Variants in S100Z observed in about 807,000 individuals in gnomAD.
The protein encoded by S100Z is protein S100-Z.
Under a neutral mutation model 8.5 loss-of-function variants are expected in S100Z, and 11 were observed. The observed-to-expected ratio is 1.30, with a 90% CI of 0.82 to 2.15. The LOEUF is 2.15. Ranked by LOEUF, S100Z falls within the 30% of genes most tolerant of loss-of-function variation. The pLI is 0.00. For missense variants in S100Z, 126 were observed against 117.9 expected (o/e 1.07, Z -0.32); for synonymous variants, 34 against 43.8 (o/e 0.78, Z 0.89).
intron 4 of S100Z, among the ~76,000 whole-genome samples, chr5:76,904,654 A>G (rs960753370): frequency 6.6e-6 from 1 of 152,138 alleles, no homozygotes; most frequent in African/African-American, 2.4e-5. Flanking sequence ...TAGAGTTGAG[A>G]TAAAACATTA....
chr5:76,900,433 T>C (rs1162348737), intron 4 of S100Z, among the ~76,000 whole-genome samples: 2 of 152,216 alleles, frequency 1.3e-5, no homozygotes, highest in African/African-American at 2.4e-5. Context: ...TATTCTTTTT[T>C]CTTCTGTCTC....
intron 1 of S100Z, among the ~76,000 whole-genome samples, chr5:76,857,476 C>T (rs74813867): frequency 0.013 from 1,910 of 151,622 alleles, 41 homozygotes; most frequent in African/African-American, 0.042. Flanking sequence ...TAGGATTTGC[C>T]CCCACCTCCC....
chr5:76,936,343 C>T, the S100Z span, among the ~76,000 whole-genome samples: 1 of 151,696 alleles, frequency 6.6e-6, no homozygotes, highest in Non-Finnish European at 1.5e-5. Context: ...TTAGTATGTG[C>T]ACTATAAGCT....
At position 76,906,206 on chromosome 5, in the gene S100Z, C is replaced by T. The variant is rs544006809; in HGVS notation, c.*3-14511C>T. Among the ~76,000 whole-genome samples, 31 of 152,262 alleles carry T rather than the reference C, an allele frequency of 2.0e-4. No homozygotes were observed. The South Asian group carries it at 3.9e-3, about 19-fold the overall frequency. On this transcript the variant is annotated intron_variant, in intron 4 of 4. Transcript: ENST00000317593. ...AATTGTACATATATATGGTAGACAA[C>T]GTGATGTTTTGGTGTATGTATCCAT...
Position 76,875,419 on chromosome 5 carries a change from T to C in S100Z, c.60T>C (p.Ser20=), listed in dbSNP as rs199909777. The part of the protein sequence containing the change: ...DTMIRIFHRY[S]GKERKRFKLS... Reference sequence around the variant, plus strand: ...TGATTAGAATCTTCCACCGCTATTCTGGCAAGGAAAGGAAGAGATTCAAGC... The same window carrying C: ...TGATTAGAATCTTCCACCGCTATTCCGGCAAGGAAAGGAAGAGATTCAAGC... Residue 20 remains serine (S), a synonymous_variant, in exon 3 of 5, where the codon TCT becomes TCC. Coordinates refer to ENST00000317593, the MANE Select transcript of S100Z (RefSeq NM_130772.4). 3.1e-6 allele frequency: 5 copies of C among 1,613,346 alleles called. No homozygotes were observed. The East Asian group carries it at 8.9e-5, about 29-fold the overall frequency.
At chr5:76,880,008 A>G (rs992534424) in intron 4 of S100Z, among the ~76,000 whole-genome samples, 13 of 152,220 alleles carry the variant, frequency 8.5e-5, no homozygotes, top group African/African-American at 3.1e-4. Flanking sequence ...GAGAGTCAGC[A>G]AAGGGTGGCG....
chr5:76,912,871 AAAG>A (rs1380336594), intron 4 of S100Z, among the ~76,000 whole-genome samples: 1 of 129,098 alleles, frequency 7.7e-6, no homozygotes, highest in South Asian at 2.2e-4. Flanking sequence ...AGACAGACAC[AAAG>A]AAGGAGTCAG....
At chr5:76,932,569 G>A in the S100Z span, among the ~76,000 whole-genome samples, 2,228 of 152,218 alleles carry the variant, frequency 0.015, 67 homozygotes, top group African/African-American at 0.05. Context: ...GGCCAGGCTG[G>A]TCTCGAACTC....
At chr5:76,933,770 G>A in the S100Z span, among the ~76,000 whole-genome samples, 1 of 152,134 alleles carries the variant, frequency 6.6e-6, no homozygotes, top group Non-Finnish European at 1.5e-5. Context: ...AAAATTTTAA[G>A]TGTACAATTC....
chr5:76,892,762 G>A (rs1743908314), intron 4 of S100Z, among the ~76,000 whole-genome samples: 1 of 152,190 alleles, frequency 6.6e-6, no homozygotes, highest in Admixed American at 6.5e-5. Flanking sequence ...CTAAAAGGGG[G>A]TAGAGGAATA....
At chr5:76,862,138 T>C (rs1023068563) in intron 1 of S100Z, among the ~76,000 whole-genome samples, 1 of 151,568 alleles carries the variant, frequency 6.6e-6, no homozygotes, top group South Asian at 2.1e-4. Context: ...TGCGTGTGTG[T>C]GTGTGTGTGT....
At chr5:76,951,146 T>A in the S100Z span, among the ~76,000 whole-genome samples, 1 of 152,236 alleles carries the variant, frequency 6.6e-6, no homozygotes, top group Non-Finnish European at 1.5e-5. Context: ...TCTTGTACTA[T>A]AATTTGTGGA....
intron 4 of S100Z, among the ~76,000 whole-genome samples, chr5:76,910,929 A>G (rs1052689262): frequency 1.3e-5 from 2 of 152,184 alleles, no homozygotes; most frequent in Non-Finnish European, 2.9e-5. Flanking sequence ...CTCTTTTCAC[A>G]TGCCTTTCTT....
intron 4 of S100Z, among the ~76,000 whole-genome samples, chr5:76,906,974 G>GTATATATA (rs1744455090): frequency 8.7e-6 from 1 of 114,718 alleles, no homozygotes; most frequent in African/African-American, 5.4e-5. Flanking sequence ...CATTGTGTGT[G>GTATATATA]TGTATATATA....
intron 1 of S100Z, among the ~76,000 whole-genome samples, chr5:76,851,559 T>C (rs1750730156): frequency 6.6e-6 from 1 of 152,058 alleles, no homozygotes; most frequent in African/African-American, 2.4e-5. Flanking sequence ...TTTCTGGCCA[T>C]GCAGTTGGGT....
intron 1 of S100Z, among the ~76,000 whole-genome samples, chr5:76,865,767 C>CT (rs1253666694): frequency 2.0e-5 from 3 of 151,446 alleles, no homozygotes; most frequent in Admixed American, 2.0e-4. Flanking sequence ...AATCCCAGCA[C>CT]TTTGGGCGGT....
intron 4 of S100Z, among the ~76,000 whole-genome samples, chr5:76,912,434 A>C (rs1744699663): frequency 6.6e-6 from 1 of 152,166 alleles, no homozygotes; most frequent in South Asian, 2.1e-4. Context: ...GGAGAGTGGG[A>C]TATGAAGGGC....
intron 4 of S100Z, among the ~76,000 whole-genome samples, chr5:76,900,026 C>A (rs187401980): frequency 1.4e-4 from 21 of 152,258 alleles, no homozygotes; most frequent in African/African-American, 5.1e-4. Flanking sequence ...AGGGTAAAAG[C>A]TTTTTTCCTT....
chr5:76,929,167 C>T, the S100Z span, among the ~76,000 whole-genome samples: 8 of 152,302 alleles, frequency 5.3e-5, no homozygotes, highest in African/African-American at 1.9e-4. Flanking sequence ...GGACAATGCA[C>T]CCAACACATG....
Sources: gnomAD v4.1 joint callset for allele counts (sites outside exome capture counted in the v4.1 genomes callset) on GRCh38, gnomAD v4.1.1 for gene constraint, MANE v1.5 for transcripts, NCBI Gene and HGNC (gene_info 2026-07-23, HGNC 2026-07-21) for gene names.